Variants in WBP1L observed in about 807,000 individuals in gnomAD.
WBP1L encodes the protein WW domain binding protein 1-like.
Under a neutral mutation model 33.7 loss-of-function variants are expected in WBP1L, and 17 were observed. That is an observed-to-expected ratio of 0.50 (90% confidence interval 0.34 to 0.76). The LOEUF (loss-of-function observed/expected upper bound fraction) is 0.76. Among genes scored for constraint, WBP1L ranks in the 30% least tolerant of loss-of-function variants. The pLI, the probability that WBP1L is intolerant of heterozygous loss-of-function variation, is 0.01. For synonymous variants in WBP1L, 173 were observed against 190.8 expected (o/e 0.91, Z 0.77); for missense variants, 389 against 469.4 (o/e 0.83, Z 1.58).
In WBP1L at chr10:102,815,190, G is replaced by A. The variant is rs1037532980; in HGVS notation, c.*1859G>A. 3 of 152,562 alleles carry A rather than the reference G, an allele frequency of 2.0e-5. No individual in the cohort carries two copies. Among genetic ancestry groups the A allele is most frequent in the Non-Finnish European group, 4.4e-5 (3 of 68,034 alleles). 9.5% of individuals were successfully genotyped at this position (152,562 alleles called of 1,614,324 possible). On this transcript the variant is annotated 3_prime_UTR_variant, in exon 4 of 4. Transcript: ENST00000448841. ...CGAACAAATGTCTGACTGTGTACTC[G>A]GGTGTACTCCGCAGCATTGTCGACT... is the stretch of plus-strand genomic sequence containing the variant.
intron 1 of WBP1L, among the ~76,000 whole-genome samples, chr10:102,752,122 T>C (rs1842929840): frequency 1.3e-5 from 2 of 152,150 alleles, no homozygotes; most frequent in South Asian, 4.1e-4. Context: ...TGTCACAGCT[T>C]GGGAGTGCCA....
At chr10:102,807,705 A>G (rs1327198704) in intron 2 of WBP1L, among the ~76,000 whole-genome samples, 3 of 152,030 alleles carry the variant, frequency 2.0e-5, no homozygotes, top group Non-Finnish European at 4.4e-5. Context: ...AGTTAGGATC[A>G]TATTTTATTT....
chr10:102,786,549 T>A (rs1388258821), intron 1 of WBP1L, among the ~76,000 whole-genome samples: 8 of 152,226 alleles, frequency 5.3e-5, no homozygotes, highest in Non-Finnish European at 1.0e-4. Context: ...GACCACACTT[T>A]TGGGAAACAC....
intron 1 of WBP1L, among the ~76,000 whole-genome samples, chr10:102,763,708 G>A (rs1843071770): frequency 6.6e-6 from 1 of 152,220 alleles, no homozygotes; most frequent in Non-Finnish European, 1.5e-5. Flanking sequence ...CATCTGGGAA[G>A]CAGGGATAGC....
intron 1 of WBP1L, among the ~76,000 whole-genome samples, chr10:102,795,119 A>G (rs1843556274): frequency 6.6e-6 from 1 of 152,186 alleles, no homozygotes; most frequent in South Asian, 2.1e-4. Flanking sequence ...AGTAGAAATC[A>G]TTTGTTTTTC....
At chr10:102,766,495 G>A (rs1414292540) in intron 1 of WBP1L, among the ~76,000 whole-genome samples, 31 of 149,288 alleles carry the variant, frequency 2.1e-4, no homozygotes, top group Admixed American at 6.1e-4. Flanking sequence ...TGTAGTAAAC[G>A]CCTGTAGTCT....
chr10:102,756,999 G>T (rs977220506), intron 1 of WBP1L, among the ~76,000 whole-genome samples: 3 of 151,894 alleles, frequency 2.0e-5, no homozygotes, highest in African/African-American at 4.8e-5. Context: ...ACAATTCTCG[G>T]GCCTCAGCCC....
Position 102,815,180 on chromosome 10 carries a change from CTG to C in WBP1L, c.*1853_*1854del, listed in dbSNP as rs1052100574. 1.3e-5 allele frequency: 2 copies of C among 152,652 alleles called. No homozygotes were observed. Among genetic ancestry groups the C allele is most frequent in the Non-Finnish European group, 1.5e-5 (1 of 68,042 alleles). 9.5% of individuals were successfully genotyped at this position (152,652 alleles called of 1,614,324 possible). A position where few individuals can be genotyped will look rare whatever the true frequency, so the allele number is the denominator to read the frequency against. On this transcript the variant is annotated 3_prime_UTR_variant, in exon 4 of 4. Coordinates refer to ENST00000448841, the MANE Select transcript of WBP1L (RefSeq NM_001083913.2). ...TACTGTTTACCGAACAAATGTCTGA[CTG>C]TGTACTCGGGTGTACTCCGCAGCAT...
intron 1 of WBP1L, among the ~76,000 whole-genome samples, chr10:102,757,634 G>T (rs1842992790): frequency 7.4e-6 from 1 of 134,326 alleles, no homozygotes; most frequent in African/African-American, 2.8e-5. Flanking sequence ...CTGGAGTGCA[G>T]TGGCATGATC....
intron 1 of WBP1L, among the ~76,000 whole-genome samples, chr10:102,748,083 C>G (rs1200722367): frequency 6.6e-6 from 1 of 151,812 alleles, no homozygotes; most frequent in Non-Finnish European, 1.5e-5. Flanking sequence ...AGTGAAACCC[C>G]GTCTCTACTA....
At chr10:102,761,838 T>C (rs1338295335) in intron 1 of WBP1L, among the ~76,000 whole-genome samples, 1 of 152,040 alleles carries the variant, frequency 6.6e-6, no homozygotes, top group Non-Finnish European at 1.5e-5. Flanking sequence ...TGTGAGCCAC[T>C]GTGCCAGGCC....
chr10:102,754,087 G>A (rs1208479692), intron 1 of WBP1L, among the ~76,000 whole-genome samples: 1 of 152,154 alleles, frequency 6.6e-6, no homozygotes, highest in Non-Finnish European at 1.5e-5. Context: ...TTAGTTTATT[G>A]ATCAGATTTA....
chr10:102,761,470 T>C (rs181933579), intron 1 of WBP1L, among the ~76,000 whole-genome samples: 2 of 151,822 alleles, frequency 1.3e-5, no homozygotes, highest in Non-Finnish European at 2.9e-5. Context: ...TTTTTTCTTT[T>C]TTTGAGACGG....
intron 2 of WBP1L, among the ~76,000 whole-genome samples, chr10:102,801,664 T>A (rs1297559828): frequency 6.6e-6 from 1 of 152,066 alleles, no homozygotes; most frequent in Non-Finnish European, 1.5e-5. Flanking sequence ...ATTTCTGCCC[T>A]TGAGATCATT....
intron 1 of WBP1L, among the ~76,000 whole-genome samples, chr10:102,778,137 G>A (rs898925907): frequency 1.3e-5 from 2 of 152,202 alleles, no homozygotes; most frequent in Non-Finnish European, 2.9e-5. Context: ...GTATGTGAAC[G>A]TTAGCACCTG....
chr10:102,802,142 T>TCCTTCCTTCCTTCCTTCCTTCCTTCCTC (rs1398074966), intron 2 of WBP1L, among the ~76,000 whole-genome samples: 2 of 128,636 alleles, frequency 1.6e-5, no homozygotes, highest in African/African-American at 6.1e-5. Flanking sequence ...CTTCCTTCCT[T>TCCTTCCTTCCTTCCTTCCTTCCTTCCTC]CCTCTTTTTG....
At chr10:102,760,576 A>G (rs547689429) in intron 1 of WBP1L, among the ~76,000 whole-genome samples, 2 of 151,342 alleles carry the variant, frequency 1.3e-5, no homozygotes, top group South Asian at 2.1e-4. Context: ...GGGTTTCTCT[A>G]TGTTGGTCAG....
intron 1 of WBP1L, among the ~76,000 whole-genome samples, chr10:102,755,124 A>G (rs1842960514): frequency 6.6e-6 from 1 of 151,456 alleles, no homozygotes; most frequent in Non-Finnish European, 1.5e-5. Context: ...TAATTTTTGT[A>G]TTTTAACTAG....
intron 1 of WBP1L, among the ~76,000 whole-genome samples, chr10:102,786,678 TGAC>T (rs930686162): frequency 2.0e-5 from 3 of 152,246 alleles, no homozygotes; most frequent in Admixed American, 1.3e-4. Context: ...CTCAGATTCT[TGAC>T]TAGTGTTAGT....
Sources: allele counts gnomAD v4.1 joint callset (sites outside exome capture counted in the v4.1 genomes callset), GRCh38; gene constraint gnomAD v4.1.1; transcripts MANE v1.5; gene names NCBI Gene and HGNC (gene_info 2026-07-23, HGNC 2026-07-21).